ADGRL2: variants seen among roughly 807,000 people sequenced by gnomAD.
ADGRL2 encodes the protein calcium-independent alpha-latrotoxin receptor 2.
A neutral mutation model predicts 157.4 loss-of-function variants in ADGRL2; 44 were observed. The observed-to-expected ratio is 0.28, with a 90% CI of 0.22 to 0.36. ADGRL2 has a LOEUF of 0.36. ADGRL2 is among the 10% of genes least tolerant of loss of function. The pLI, the probability that ADGRL2 is intolerant of heterozygous loss-of-function variation, is 1.00. For synonymous variants in ADGRL2, 585 were observed against 624.7 expected (o/e 0.94, Z 0.95); for missense variants, 1,510 against 1,768.9 (o/e 0.85, Z 2.63).
chr1:81,970,221 A>C (rs1332626279), intron 15 of ADGRL2, 93 bp from the exon 16 acceptor site: 1 of 835,842 alleles, frequency 1.2e-6, no homozygotes, highest in Non-Finnish European at 2.0e-6. Context: ...TTGAAATAAT[A>C]GTGATTTCTC....
chr1:81,543,367 A>G (rs562992049), intron 2 of ADGRL2, among the ~76,000 whole-genome samples: 16 of 152,180 alleles, frequency 1.1e-4, no homozygotes, highest in Non-Finnish European at 2.1e-4. Flanking sequence ...GGCATTATCT[A>G]TGAAGAAGCA....
chr1:81,507,531 T>C (rs148642751), intron 2 of ADGRL2, among the ~76,000 whole-genome samples: 2 of 152,290 alleles, frequency 1.3e-5, no homozygotes, highest in African/African-American at 4.8e-5. Context: ...TACTCTCAAG[T>C]CCTCCATTTC....
At chr1:81,803,504 C>G (rs1225877159) in intron 1 of ADGRL2, among the ~76,000 whole-genome samples, 3 of 152,074 alleles carry the variant, frequency 2.0e-5, no homozygotes, top group African/African-American at 7.2e-5. Context: ...CCTGCGGTAT[C>G]TATCATAGCC....
At chr1:81,394,129 T>C (rs1279734327) in intron 1 of ADGRL2, among the ~76,000 whole-genome samples, 2 of 152,126 alleles carry the variant, frequency 1.3e-5, no homozygotes, top group African/African-American at 2.4e-5. Flanking sequence ...CTTTCTCCTA[T>C]CAAAAATAAT....
chr1:81,728,702 G>A (rs908889013), intron 1 of ADGRL2, among the ~76,000 whole-genome samples: 3 of 152,194 alleles, frequency 2.0e-5, no homozygotes, highest in Non-Finnish European at 2.9e-5. Context: ...CCGAGCATCT[G>A]CTTTTATTCT....
intron 1 of ADGRL2, among the ~76,000 whole-genome samples, chr1:81,409,668 G>A (rs1366700970): frequency 6.6e-6 from 1 of 152,170 alleles, no homozygotes; most frequent in Admixed American, 6.5e-5. Flanking sequence ...ATGGGAGCAG[G>A]TGTAAGGGTG....
intron 2 of ADGRL2, among the ~76,000 whole-genome samples, chr1:81,792,955 C>T (rs1337234667): frequency 6.6e-6 from 1 of 151,988 alleles, no homozygotes; most frequent in African/African-American, 2.4e-5. Flanking sequence ...AGGTCATTCT[C>T]TAGGCTTAAA....
intron 2 of ADGRL2, among the ~76,000 whole-genome samples, chr1:81,470,191 G>T (rs1018488985): frequency 5.5e-4 from 83 of 152,190 alleles, no homozygotes; most frequent in African/African-American, 2.0e-3. Context: ...AGGACTGATA[G>T]TTATATACAT....
At chr1:81,848,730 A>G (rs1373843096) in intron 2 of ADGRL2, among the ~76,000 whole-genome samples, 4 of 152,004 alleles carry the variant, frequency 2.6e-5, no homozygotes, top group African/African-American at 9.6e-5. Context: ...TAATCTTCCA[A>G]AGTTTACAGC....
At chr1:81,423,327 G>T (rs1220439896) in intron 1 of ADGRL2, among the ~76,000 whole-genome samples, 1 of 152,180 alleles carries the variant, frequency 6.6e-6, no homozygotes, top group Admixed American at 6.6e-5. Context: ...TCATTTAGGG[G>T]CATTAGAGGG....
At chr1:81,775,636 G>T (rs991830783) in intron 2 of ADGRL2, among the ~76,000 whole-genome samples, 1 of 151,564 alleles carries the variant, frequency 6.6e-6, no homozygotes, top group Admixed American at 6.6e-5. Context: ...TGGAGGCAAA[G>T]AGACAGAGTG....
intron 2 of ADGRL2, among the ~76,000 whole-genome samples, chr1:81,517,138 C>T (rs2079196598): frequency 6.6e-6 from 1 of 151,984 alleles, no homozygotes; most frequent in Non-Finnish European, 1.5e-5. Context: ...TACATAATTC[C>T]ACACCCAGAG....
At chr1:81,348,489 G>A (rs1380653558) in intron 1 of ADGRL2, among the ~76,000 whole-genome samples, 1 of 152,124 alleles carries the variant, frequency 6.6e-6, no homozygotes, top group Non-Finnish European at 1.5e-5. Flanking sequence ...TGGGGAGGGG[G>A]TTGTTGAAAA....
intron 2 of ADGRL2, among the ~76,000 whole-genome samples, chr1:81,535,529 A>G (rs1398848082): frequency 6.6e-6 from 1 of 152,168 alleles, no homozygotes; most frequent in Non-Finnish European, 1.5e-5. Flanking sequence ...TTGAATTTGT[A>G]GTAAAAGTGG....
At chr1:81,793,067 C>A (rs1014760634) in intron 2 of ADGRL2, among the ~76,000 whole-genome samples, 3 of 151,986 alleles carry the variant, frequency 2.0e-5, no homozygotes, top group Non-Finnish European at 4.4e-5. Context: ...CAAGACCTTA[C>A]GACCCTGGGA....
intron 3 of ADGRL2, among the ~76,000 whole-genome samples, chr1:81,912,154 C>T (rs532956667): frequency 6.6e-6 from 1 of 151,936 alleles, no homozygotes; most frequent in Non-Finnish European, 1.5e-5. Flanking sequence ...TCACTGGAGC[C>T]TCTGCCTCCT....
rs182519917 is a variant in ADGRL2 at position 81,904,946 on chromosome 1, A to G, written c.74-2071A>G. Among the ~76,000 whole-genome samples the G allele has an allele frequency of 6.4e-4, 97 of 152,266 alleles. No homozygotes were observed. The South Asian group carries it at 8.1e-3, about 13-fold the overall frequency. On this transcript the variant is annotated intron_variant, in intron 2 of 23. Transcript: ENST00000686636. Reference sequence around the variant, plus strand: ...AGGCACGACCTCCCAGTATGGCCACACTGAGGACTAAGCCTCTACTTGAGT... The same window carrying G: ...AGGCACGACCTCCCAGTATGGCCACGCTGAGGACTAAGCCTCTACTTGAGT...
chr1:81,580,744 G>A (rs182698663), intron 2 of ADGRL2: 10 of 152,110 alleles, frequency 6.6e-5, no homozygotes, highest in African/African-American at 1.9e-4. Flanking sequence ...ACAATGAGTC[G>A]GTTTACTTTT....
At chr1:81,873,584 C>T (rs998749104) in intron 2 of ADGRL2, among the ~76,000 whole-genome samples, 3 of 152,054 alleles carry the variant, frequency 2.0e-5, no homozygotes, top group Non-Finnish European at 4.4e-5. Flanking sequence ...GTAATCAGAA[C>T]AGTTTTAGAA....
Sources: gnomAD v4.1 joint callset for allele counts (sites outside exome capture counted in the v4.1 genomes callset) on GRCh38, gnomAD v4.1.1 for gene constraint, MANE v1.5 for transcripts, NCBI Gene and HGNC (gene_info 2026-07-23, HGNC 2026-07-21) for gene names.